Variants in DLG2 observed in about 807,000 individuals in gnomAD.
DLG2 encodes disks large homolog 2.
In DLG2, 45 loss-of-function variants were observed where a neutral mutation model predicts 132.5. The observed-to-expected ratio is 0.34, with a 90% CI of 0.27 to 0.44. DLG2 has a LOEUF of 0.44. Ranked by LOEUF, DLG2 falls within the 20% of genes least tolerant of loss-of-function variation. The pLI is 1.00. For missense variants in DLG2, 1,045 were observed against 1,196.9 expected, an observed-to-expected ratio of 0.87 and a Z score of 1.87; for synonymous variants, 424 against 419.6, an observed-to-expected ratio of 1.01 and a Z score of -0.13.
chr11:84,733,161 T>A (rs2063369938), intron 6 of DLG2, among the ~76,000 whole-genome samples: 1 of 152,182 alleles, frequency 6.6e-6, no homozygotes, highest in Non-Finnish European at 1.5e-5. Context: ...TACCCAGTAA[T>A]GGGATTGCTG....
intron 3 of DLG2, among the ~76,000 whole-genome samples, chr11:85,480,948 A>G (rs1312273971): frequency 6.6e-6 from 1 of 152,150 alleles, no homozygotes; most frequent in African/African-American, 2.4e-5. Flanking sequence ...GCACAAAGAG[A>G]CTACATTTAC....
chr11:84,731,689 C>T (rs1395358050), intron 6 of DLG2, among the ~76,000 whole-genome samples: 1 of 151,856 alleles, frequency 6.6e-6, no homozygotes, highest in Non-Finnish European at 1.5e-5. Context: ...AGAGGTGAGA[C>T]TAGTCAGATT....
chr11:83,558,209 T>C (rs1474381460), intron 19 of DLG2, among the ~76,000 whole-genome samples: 1 of 152,242 alleles, frequency 6.6e-6, no homozygotes, highest in Non-Finnish European at 1.5e-5. Flanking sequence ...GTCTCTTTCA[T>C]TCCTCTCAAC....
At chr11:84,266,745 G>A (rs989866880) in intron 7 of DLG2, among the ~76,000 whole-genome samples, 4 of 152,172 alleles carry the variant, frequency 2.6e-5, no homozygotes, top group African/African-American at 9.7e-5. Flanking sequence ...CAGAGTTGGT[G>A]GATGTGATGC....
intron 25 of DLG2, among the ~76,000 whole-genome samples, chr11:83,467,547 G>A (rs373769434): frequency 7.3e-5 from 11 of 151,412 alleles, no homozygotes; most frequent in South Asian, 2.1e-4. Context: ...TCAGGAGTTC[G>A]AGACCAGCCT....
At chr11:84,098,496 C>T (rs536774212) in intron 10 of DLG2, among the ~76,000 whole-genome samples, 5 of 152,262 alleles carry the variant, frequency 3.3e-5, no homozygotes, top group South Asian at 2.1e-4. Context: ...CCTCTCTAAA[C>T]GCCTAGAGAA....
Position 84,098,918 on chromosome 11 carries a change from T to C in DLG2, c.749+5A>G, listed in dbSNP as rs759661377. 6.2e-7 allele frequency: 1 copy of C among 1,612,326 alleles called. No homozygotes were observed. Among genetic ancestry groups the C allele is most frequent in the Non-Finnish European group, 8.5e-7 (1 of 1,179,310 alleles). On this transcript the variant is annotated splice_donor_5th_base_variant and intron_variant, in intron 10 of 27. Transcript: ENST00000376104. ...CAAAATCATTCTAATGTTTCAGATC[T>C]TTACCTGAGTCTGCCATCCTCTGCT...
chr11:84,603,805 A>G (rs2099580865), intron 6 of DLG2, among the ~76,000 whole-genome samples: 1 of 152,004 alleles, frequency 6.6e-6, no homozygotes, highest in African/African-American at 2.4e-5. Context: ...ACACTGTGCT[A>G]GGTATTGTGG....
intron 6 of DLG2, among the ~76,000 whole-genome samples, chr11:84,943,025 A>G (rs1374158897): frequency 6.6e-6 from 1 of 152,082 alleles, no homozygotes. Flanking sequence ...TTTGTCTGAT[A>G]CAAGTATAGT....
chr11:84,615,229 A>C (rs567297236), intron 6 of DLG2, among the ~76,000 whole-genome samples: 1 of 152,286 alleles, frequency 6.6e-6, no homozygotes, highest in South Asian at 2.1e-4. Flanking sequence ...GGATGAGTCT[A>C]ATAGCCACAT....
intron 6 of DLG2, among the ~76,000 whole-genome samples, chr11:84,903,505 G>A (rs188574528): frequency 1.3e-3 from 195 of 152,084 alleles, no homozygotes; most frequent in African/African-American, 4.5e-3. Context: ...AGCTACTCAG[G>A]GGCAGGAATC....
chr11:85,291,562 C>A (rs1054304533), intron 3 of DLG2, among the ~76,000 whole-genome samples: 1 of 148,468 alleles, frequency 6.7e-6, no homozygotes, highest in Non-Finnish European at 1.5e-5. Context: ...AAAAATTTAC[C>A]AAAATCACCT....
rs2091086537 is a variant in DLG2, at chr11:83,466,634, TC to T, written c.2729+73del. ...CCATTTGTAAGCATTCCCAGCAAAA[TC>T]CTGTTAGTAATTTTCAGTATAATAC... On this transcript the variant is annotated intron_variant, in intron 26 of 27. Coordinates refer to ENST00000376104, the MANE Select transcript of DLG2 (RefSeq NM_001142699.3). 6 of 743,724 alleles carry T rather than the reference TC, an allele frequency of 8.1e-6. No individual in the cohort carries two copies. The South Asian group carries it at 1.4e-4, about 17-fold the overall frequency. 46.1% of individuals were successfully genotyped at this position (743,724 alleles called of 1,614,324 possible).
In DLG2 at chr11:83,741,678, T is replaced by C. The variant is rs547036741; in HGVS notation, c.1825+45012A>G. ...GGCAACACAAATAAATGAAAAAATA[T>C]TTCATGCTCATGGATTAGAACAATC... On this transcript the variant is annotated intron_variant, in intron 18 of 27. Transcript: ENST00000376104. Among the ~76,000 whole-genome samples, 6 of 152,110 alleles carry C rather than the reference T, an allele frequency of 3.9e-5. No homozygotes were observed. In the South Asian group the frequency reaches 6.2e-4, roughly 16 times the overall value.
intron 7 of DLG2, among the ~76,000 whole-genome samples, chr11:84,396,539 A>G (rs2098811702): frequency 6.6e-6 from 1 of 152,234 alleles, no homozygotes; most frequent in Admixed American, 6.5e-5. Flanking sequence ...TTCAAGCTCA[A>G]GCCTCAATCT....
chr11:84,425,738 T>C (rs1324356827), intron 7 of DLG2, among the ~76,000 whole-genome samples: 3 of 152,094 alleles, frequency 2.0e-5, no homozygotes, highest in Non-Finnish European at 4.4e-5. Context: ...GGATTACTTA[T>C]GGAAAGAAAA....
chr11:85,464,880 C>A (rs773541642), intron 3 of DLG2, among the ~76,000 whole-genome samples: 1 of 151,146 alleles, frequency 6.6e-6, no homozygotes, highest in Non-Finnish European at 1.5e-5. Flanking sequence ...TGAGACCAGC[C>A]TGGCCAACAT....
chr11:84,271,794 C>T (rs1039745388), intron 7 of DLG2, among the ~76,000 whole-genome samples: 1 of 151,850 alleles, frequency 6.6e-6, no homozygotes, highest in African/African-American at 2.4e-5. Context: ...ATTAGAGAGA[C>T]TGAGAGGAAA....
At chr11:85,266,015 G>C (rs2077189968) in intron 4 of DLG2, among the ~76,000 whole-genome samples, 1 of 152,234 alleles carries the variant, frequency 6.6e-6, no homozygotes, top group Admixed American at 6.5e-5. Flanking sequence ...CAAAAAGGCT[G>C]TCACACTGGC....
Sources: allele counts gnomAD v4.1 joint callset (sites outside exome capture counted in the v4.1 genomes callset), GRCh38; gene constraint gnomAD v4.1.1; transcripts MANE v1.5; gene names NCBI Gene and HGNC (gene_info 2026-07-23, HGNC 2026-07-21).